The following TPST2 variants were observed in gnomAD, a reference collection of about 807,000 sequenced individuals.
TPST2 encodes protein-tyrosine sulfotransferase 2.
TPST2 carries 16 observed loss-of-function variants against 27.8 expected under a neutral mutation model. The observed-to-expected ratio is 0.58, with a 90% CI of 0.39 to 0.88. TPST2 has a LOEUF of 0.88. TPST2 is among the 40% of genes least tolerant of loss of function. The pLI is 0.00. For synonymous variants in TPST2, 229 were observed against 231.7 expected, an observed-to-expected ratio of 0.99 and a Z score of 0.10; for missense variants, 464 against 543.1, an observed-to-expected ratio of 0.85 and a Z score of 1.45.
intron 5 of TPST2, among the ~76,000 whole-genome samples, chr22:26,530,947 C>T (rs909941235): frequency 2.0e-5 from 3 of 151,506 alleles, no homozygotes; most frequent in Non-Finnish European, 4.4e-5. Context: ...AGGCAGAAGC[C>T]GCAGTGAGCC....
At chr22:26,575,981 G>A (rs866529368) in intron 1 of TPST2, among the ~76,000 whole-genome samples, 10 of 151,902 alleles carry the variant, frequency 6.6e-5, no homozygotes, top group Middle Eastern at 3.4e-3. Context: ...GGGTGACAGA[G>A]CGAGACTCCA....
chr22:26,553,402 CCTT>C (rs1364300705), intron 1 of TPST2, among the ~76,000 whole-genome samples: 3 of 150,226 alleles, frequency 2.0e-5, no homozygotes, highest in Non-Finnish European at 4.4e-5. Flanking sequence ...GACAGGGTCT[CCTT>C]CTGTCTCAAA....
chr22:26,566,843 T>A (rs1031121391), intron 1 of TPST2, among the ~76,000 whole-genome samples: 4 of 152,176 alleles, frequency 2.6e-5, no homozygotes, highest in African/African-American at 9.7e-5. Context: ...CTTCCCCCGC[T>A]CATATCGTAT....
At chr22:26,555,139 G>C in intron 1 of TPST2, 1 of 531,078 alleles carries the variant, frequency 1.9e-6, no homozygotes, top group Non-Finnish European at 3.8e-6. Context: ...GCATTTTAAC[G>C]TGGAGCTGAG....
chr22:26,555,434 T>C, intron 1 of TPST2: 1 of 356,340 alleles, frequency 2.8e-6, no homozygotes, highest in East Asian at 7.5e-5. Flanking sequence ...CCAGTGGCCT[T>C]GAGCCAGTGA....
At chr22:26,549,535 T>C (rs1197034522) in intron 1 of TPST2, among the ~76,000 whole-genome samples, 2 of 151,020 alleles carry the variant, frequency 1.3e-5, no homozygotes, top group Non-Finnish European at 2.9e-5. Context: ...CGCGTGGCTG[T>C]AATCCCAGCT....
At chr22:26,586,700 C>T (rs551681665) in intron 1 of TPST2, among the ~76,000 whole-genome samples, 1 of 152,170 alleles carries the variant, frequency 6.6e-6, no homozygotes, top group Non-Finnish European at 1.5e-5. Flanking sequence ...CCCAGATGAA[C>T]CAAGTTGTCA....
At chr22:26,535,895 T>C (rs993757972) in intron 4 of TPST2, 1 of 353,380 alleles carries the variant, frequency 2.8e-6, no homozygotes, top group African/African-American at 2.1e-5. Flanking sequence ...TTAAACCTTA[T>C]AAGACAAGAA....
intron 1 of TPST2, among the ~76,000 whole-genome samples, chr22:26,579,099 G>A (rs1452700671): frequency 1.3e-5 from 2 of 152,102 alleles, no homozygotes; most frequent in Non-Finnish European, 2.9e-5. Flanking sequence ...CAAGTGATCC[G>A]CCCGCATTGG....
intron 1 of TPST2, among the ~76,000 whole-genome samples, chr22:26,549,032 G>A (rs1049697033): frequency 6.6e-6 from 1 of 152,120 alleles, no homozygotes; most frequent in Non-Finnish European, 1.5e-5. Flanking sequence ...AAAGGGATAC[G>A]CAGCCTGTAA....
At chr22:26,584,312 G>A (rs1928249105) in intron 1 of TPST2, among the ~76,000 whole-genome samples, 1 of 152,168 alleles carries the variant, frequency 6.6e-6, no homozygotes, top group East Asian at 1.9e-4. Flanking sequence ...AGGGAGGAGT[G>A]GGTGGGAATC....
chr22:26,524,148 G>A lies in TPST2; in HGVS notation c.*2127C>T, dbSNP rs1448360957. 2 of 152,100 alleles carry A rather than the reference G, an allele frequency of 1.3e-5. No individual in the cohort carries two copies. The highest frequency in any genetic ancestry group is 4.8e-5 in the African/African-American group (2 of 41,424). The allele number at this position is 152,100 out of a possible 1,614,324, so 9.4% of individuals were successfully genotyped here. Reference sequence around the variant, plus strand: ...TAAAAAATAAAAAGTAACTGCTGAAGAAATGAACAAAAAGGGTCACACCTT... The same window carrying A: ...TAAAAAATAAAAAGTAACTGCTGAAAAAATGAACAAAAAGGGTCACACCTT... On this transcript the variant is annotated 3_prime_UTR_variant, in exon 7 of 7. Coordinates refer to ENST00000338754, the MANE Select transcript of TPST2 (RefSeq NM_003595.5).
In TPST2 at chr22:26,541,300, G is replaced by A; in HGVS notation, c.331C>T (p.Gln111Ter). 1 of 1,541,976 alleles carries A rather than the reference G, an allele frequency of 6.5e-7. No homozygotes were observed. The highest frequency in any genetic ancestry group is 8.8e-7 in the Non-Finnish European group (1 of 1,142,578). ...TCACGGCCAGACTTGGACCAGGCCTGGCGCATGGCCAGCACGCGCGGGATG... is the reference window on the plus strand; with the variant it reads ...TCACGGCCAGACTTGGACCAGGCCTAGCGCATGGCCAGCACGCGCGGGATG... Reference protein sequence around the residue: ...RIIPRVLAMRQAWSKSGREKL... With the variant: ...RIIPRVLAMR The change falls in exon 3 of 7, where the codon CAG becomes TAG. Residue 111 changes from glutamine to a stop codon, truncating the protein, a stop_gained. Coordinates refer to ENST00000338754, the MANE Select transcript of TPST2 (RefSeq NM_003595.5). LOFTEE classifies it high-confidence loss of function. This position sits in a 1 kb window ranked among gnomAD's most constrained non-coding sequence, Gnocchi z 5.9.
At chr22:26,589,163 CA>C (rs1928454672) in intron 1 of TPST2, among the ~76,000 whole-genome samples, 1 of 152,108 alleles carries the variant, frequency 6.6e-6, no homozygotes, top group Non-Finnish European at 1.5e-5. Context: ...GGGTCACGGG[CA>C]GGTGACCTCT....
chr22:26,564,240 G>A lies in TPST2; in HGVS notation c.-160-19565C>T, dbSNP rs1020969676. On this transcript the variant is annotated intron_variant, in intron 1 of 6. Transcript: ENST00000338754. ...CTAGGTGTCTTCGTACCAGCCTCCT[G>A]ATCAACCACTCTCACTCTCAGTAGC... Among the ~76,000 whole-genome samples, 4 of 152,182 alleles carry A rather than the reference G, an allele frequency of 2.6e-5. No homozygotes were observed. The East Asian group carries it at 7.7e-4, about 29-fold the overall frequency.
At chr22:26,535,447 T>G (rs1341137953) in intron 4 of TPST2, among the ~76,000 whole-genome samples, 1 of 152,208 alleles carries the variant, frequency 6.6e-6, no homozygotes, top group East Asian at 1.9e-4. Context: ...TGTTAACTGT[T>G]CTTTTACCCA....
At chr22:26,554,142 T>C (rs1926647741) in intron 1 of TPST2, among the ~76,000 whole-genome samples, 3 of 152,196 alleles carry the variant, frequency 2.0e-5, no homozygotes, top group African/African-American at 7.2e-5. Context: ...GTGGCTGAGT[T>C]TGATCTGGAA....
chr22:26,536,136 A>G, intron 4 of TPST2, 152 bp downstream of exon 4: 1 of 1,071,060 alleles, frequency 9.3e-7, no homozygotes. Context: ...AATACAAGCA[A>G]TCATGTAGTT....
chr22:26,527,758 G>C (rs1037622813), intron 6 of TPST2, among the ~76,000 whole-genome samples: 1 of 152,224 alleles, frequency 6.6e-6, no homozygotes, highest in African/African-American at 2.4e-5. Context: ...CACAGGACCA[G>C]TACCTGGCCC....
Sources: allele counts gnomAD v4.1 joint callset (sites outside exome capture counted in the v4.1 genomes callset), GRCh38; gene constraint gnomAD v4.1.1; non-coding constraint Gnocchi (gnomAD v3.1); transcripts MANE v1.5; gene names NCBI Gene and HGNC (gene_info 2026-07-23, HGNC 2026-07-21).